The following DGKG variants were observed in gnomAD, a reference collection of about 807,000 sequenced individuals.
The protein encoded by DGKG is DAG kinase gamma.
A neutral mutation model predicts 105.3 loss-of-function variants in DGKG; 78 were observed. The observed-to-expected ratio is 0.74, with a 90% CI of 0.62 to 0.89. DGKG has a LOEUF of 0.89. DGKG is among the 40% of genes least tolerant of loss of function. The pLI is 0.00. For missense variants in DGKG, 958 were observed against 1,020.1 expected (o/e 0.94, Z 0.83); for synonymous variants, 346 against 367.1 (o/e 0.94, Z 0.66).
At position 186,268,819 on chromosome 3, in the gene DGKG, G is replaced by T. The variant is rs375875878; in HGVS notation, c.1098C>A (p.Cys366Ter). 1.2e-6 allele frequency: 2 copies of T among 1,613,042 alleles called. No homozygotes were observed. Among genetic ancestry groups the T allele is most frequent in the Middle Eastern group, 1.7e-4 (1 of 6,060 alleles). Residue 366 changes from cysteine (C) to a stop codon, truncating the protein, a stop_gained, in exon 12 of 25, where the codon TGC becomes TGA. Coordinates refer to ENST00000265022, the MANE Select transcript of DGKG (RefSeq NM_001346.3). LOFTEE classifies it high-confidence loss of function. ...AACCCACCGTCATCCGGCACCACAC[G>T]CAGTGCCGCGCGGTGACACTCTGGT... ...KCYQSVTARH[C>*]VWCRMTFHRK...
chr3:186,307,036 A>G, intron 2 of DGKG, 59 bp from the exon 3 acceptor site: 1 of 1,175,268 alleles, frequency 8.5e-7, no homozygotes, highest in Admixed American at 1.7e-5. Context: ...AGCTGGGCCA[A>G]GTAAATTCTC....
At chr3:186,188,173 T>G in intron 22 of DGKG, 29 bp downstream of exon 22, 2 of 1,613,262 alleles carry the variant, frequency 1.2e-6, no homozygotes, top group Non-Finnish European at 1.7e-6. Context: ...GGCATTGACC[T>G]AAAACAATTA....
At chr3:186,269,330 A>C (rs774778582) in intron 11 of DGKG, among the ~76,000 whole-genome samples, 31 of 152,236 alleles carry the variant, frequency 2.0e-4, no homozygotes, top group Non-Finnish European at 3.4e-4. Context: ...AACTGGCTGG[A>C]GTCCCTTTGA....
Position 186,338,853 on chromosome 3 carries a change from C to T in DGKG, c.-248-18146G>A, listed in dbSNP as rs184695158. Among the ~76,000 whole-genome samples, 27 of 152,206 alleles carry T rather than the reference C, an allele frequency of 1.8e-4. No individual in the cohort carries two copies. In the East Asian group the frequency reaches 2.9e-3, roughly 16 times the overall value. On this transcript the variant is annotated intron_variant, in intron 1 of 24. Transcript: ENST00000265022. Reference sequence around the variant, plus strand: ...TTGAAGGCAGATACCCAAGCAGTTACTGCATGGAACATATCAATGTATACT... The same window carrying T: ...TTGAAGGCAGATACCCAAGCAGTTATTGCATGGAACATATCAATGTATACT...
chr3:186,349,889 C>CTT (rs534294652), intron 1 of DGKG, among the ~76,000 whole-genome samples: 9 of 145,040 alleles, frequency 6.2e-5, no homozygotes, highest in African/African-American at 2.3e-4. Context: ...TCCACAGAAC[C>CTT]TTTTTTTTTT....
At chr3:186,220,710 C>G (rs1345967428) in intron 20 of DGKG, among the ~76,000 whole-genome samples, 1 of 152,160 alleles carries the variant, frequency 6.6e-6, no homozygotes, top group African/African-American at 2.4e-5. Context: ...CCCCATTGGT[C>G]TCCAGTCTCC....
chr3:186,278,000 T>C (rs6791797), intron 9 of DGKG, among the ~76,000 whole-genome samples: 2 of 152,138 alleles, frequency 1.3e-5, no homozygotes, highest in African/African-American at 4.8e-5. Flanking sequence ...CATAAAACTC[T>C]TGATTAATAA....
chr3:186,346,780 A>G (rs1208645936), intron 1 of DGKG, among the ~76,000 whole-genome samples: 1 of 152,060 alleles, frequency 6.6e-6, no homozygotes. Context: ...AATATTTCAT[A>G]AACATTTTAA....
intron 16 of DGKG, among the ~76,000 whole-genome samples, chr3:186,260,068 CTT>C (rs1034286509): frequency 6.6e-6 from 1 of 152,194 alleles, no homozygotes; most frequent in Non-Finnish European, 1.5e-5. Context: ...GATAAGAAAA[CTT>C]TCTCTTCTCT....
chr3:186,211,182 T>C (rs1272197722), intron 21 of DGKG, among the ~76,000 whole-genome samples: 1 of 152,188 alleles, frequency 6.6e-6, no homozygotes, highest in Non-Finnish European at 1.5e-5. Context: ...AAATGCCAGC[T>C]TCTTTGTTAG....
intron 24 of DGKG, among the ~76,000 whole-genome samples, chr3:186,157,664 T>G (rs915708468): frequency 2.6e-5 from 4 of 152,202 alleles, no homozygotes; most frequent in African/African-American, 9.6e-5. Context: ...TCTTAAGATG[T>G]TCAAGTTCAT....
At position 186,160,890 on chromosome 3, in the gene DGKG, G is replaced by C. The variant is rs942999301; in HGVS notation, c.2277+713C>G. 4 of 985,352 alleles carry C rather than the reference G, an allele frequency of 4.1e-6. No individual in the cohort carries two copies. In the African/African-American group the frequency reaches 7.0e-5, roughly 17 times the overall value. The allele number at this position is 985,352 out of a possible 1,614,324, so 61.0% of individuals were successfully genotyped here. A position where few individuals can be genotyped will look rare whatever the true frequency, so the allele number is the denominator to read the frequency against. ...GCTAAAGGGAGAGCTAACGGATATG[G>C]TAAGTCTGGGAATGGAGATAGTCTA... On this transcript the variant is annotated intron_variant, in intron 24 of 24. Transcript: ENST00000265022.
chr3:186,171,067 C>T (rs1306392085), intron 22 of DGKG, among the ~76,000 whole-genome samples: 2 of 152,228 alleles, frequency 1.3e-5, no homozygotes, highest in African/African-American at 4.8e-5. Flanking sequence ...TGGACAACTC[C>T]TGTTTAGCCT....
At chr3:186,355,312 AC>A (rs1440734463) in intron 1 of DGKG, among the ~76,000 whole-genome samples, 25 of 150,136 alleles carry the variant, frequency 1.7e-4, no homozygotes, top group African/African-American at 2.5e-4. Flanking sequence ...GTCACCCCCC[AC>A]CACCACTACC....
intron 1 of DGKG, among the ~76,000 whole-genome samples, chr3:186,332,585 G>T (rs1191944567): frequency 1.3e-5 from 2 of 152,148 alleles, no homozygotes; most frequent in African/African-American, 4.8e-5. Flanking sequence ...TGGAATTAGA[G>T]ACCAGAATTC....
intron 2 of DGKG, among the ~76,000 whole-genome samples, chr3:186,311,579 C>T (rs1183421550): frequency 6.6e-6 from 1 of 152,164 alleles, no homozygotes; most frequent in Non-Finnish European, 1.5e-5. Flanking sequence ...GTCTTCTATA[C>T]TTTATGTGCC....
chr3:186,258,699 A>G (rs1374652613), intron 16 of DGKG, among the ~76,000 whole-genome samples: 1 of 152,076 alleles, frequency 6.6e-6, no homozygotes, highest in African/African-American at 2.4e-5. Flanking sequence ...CTTGGAATTT[A>G]CGGTAGTTAT....
At chr3:186,283,590 A>G (rs1213614543) in intron 7 of DGKG, among the ~76,000 whole-genome samples, 2 of 152,256 alleles carry the variant, frequency 1.3e-5, no homozygotes, top group Non-Finnish European at 2.9e-5. Context: ...TGTTTTTACT[A>G]TGCTGCTTAG....
At chr3:186,194,322 C>A (rs1334567046) in intron 21 of DGKG, among the ~76,000 whole-genome samples, 1 of 152,250 alleles carries the variant, frequency 6.6e-6, no homozygotes, top group Non-Finnish European at 1.5e-5. Flanking sequence ...TAGGCAGAGG[C>A]CGCCGACTTC....
Sources: allele counts gnomAD v4.1 joint callset (sites outside exome capture counted in the v4.1 genomes callset), GRCh38; gene constraint gnomAD v4.1.1; transcripts MANE v1.5; gene names NCBI Gene and HGNC (gene_info 2026-07-23, HGNC 2026-07-21).